Variants in PARP11 observed in about 807,000 individuals in gnomAD.
PARP11 encodes the protein poly(ADP-ribose) polymerase family member 11.
Under a neutral mutation model 42.9 loss-of-function variants are expected in PARP11, and 31 were observed. That is an observed-to-expected ratio of 0.72 (90% CI 0.54 to 0.98). The LOEUF (loss-of-function observed/expected upper bound fraction) is 0.98. PARP11 is among the 50% of genes least tolerant of loss of function. The pLI, the probability that PARP11 is intolerant of heterozygous loss-of-function variation, is 0.00. For synonymous variants in PARP11, 137 were observed against 127.3 expected, an observed-to-expected ratio of 1.08 and a Z score of -0.51; for missense variants, 365 against 413.1, an observed-to-expected ratio of 0.88 and a Z score of 1.01.
chr12:3,838,950 G>C (rs1467664152), intron 1 of PARP11, among the ~76,000 whole-genome samples: 1 of 151,970 alleles, frequency 6.6e-6, no homozygotes, highest in African/African-American at 2.4e-5. Flanking sequence ...GGAAACTTGT[G>C]GGGGCGGCGA....
intron 1 of PARP11, among the ~76,000 whole-genome samples, chr12:3,845,307 T>C (rs11062865): frequency 0.059 from 9,019 of 152,268 alleles, 343 homozygotes; most frequent in East Asian, 0.18. Flanking sequence ...GCTCAGACCC[T>C]GCCTTGTCCT....
At chr12:3,839,644 A>T (rs1565541736) in intron 1 of PARP11, 1 of 1,004,912 alleles carries the variant, frequency 1.0e-6, no homozygotes, top group Non-Finnish European at 1.6e-6. Context: ...TATGTACAGG[A>T]AAGATTTTAT....
chr12:3,873,389 G>A lies in PARP11; in HGVS notation c.-160C>T, dbSNP rs1948532279. On this transcript the variant is annotated 5_prime_UTR_variant, in exon 1 of 8. The change creates a new upstream start codon in the 5' untranslated region. Transcript: ENST00000228820. ...CTCCCCCTCCCTGTCACAAGCCAGC[G>A]TTTACAGACCACCCAACCTCCCGAC... The A allele has an allele frequency of 5.8e-6, 4 of 685,712 alleles. No homozygotes were observed. Among genetic ancestry groups the A allele is most frequent in the East Asian group, 2.8e-5 (1 of 36,198 alleles). 42.5% of individuals were successfully genotyped at this position (685,712 alleles called of 1,614,324 possible).
At position 3,840,341 on chromosome 12, in the gene PARP11, C is replaced by T. The variant is rs551073970; in HGVS notation, c.19-10323G>A. 2 of 1,614,128 alleles carry T rather than the reference C, an allele frequency of 1.2e-6. No individual in the cohort carries two copies. The highest frequency in any genetic ancestry group is 2.7e-5 in the African/African-American group (2 of 75,044). Reference sequence around the variant, plus strand: ...GTGTCAGGGAAGAAGATGAAAAAACCTTCCACTTCTGGACAAAATTTCCAT... The same window carrying T: ...GTGTCAGGGAAGAAGATGAAAAAACTTTCCACTTCTGGACAAAATTTCCAT... On this transcript the variant is annotated intron_variant, in intron 1 of 7. Coordinates refer to ENST00000228820, the MANE Select transcript of PARP11 (RefSeq NM_020367.6). This position sits in a 1 kb window ranked among gnomAD's most constrained non-coding sequence, Gnocchi z 4.4.
chr12:3,857,128 G>C (rs575604678), intron 1 of PARP11, among the ~76,000 whole-genome samples: 4 of 152,020 alleles, frequency 2.6e-5, no homozygotes, highest in Admixed American at 6.6e-5. Context: ...GGCCTGTCGG[G>C]GGGTGGGGGG....
intron 4 of PARP11, among the ~76,000 whole-genome samples, chr12:3,823,541 T>C (rs1337105670): frequency 6.6e-6 from 1 of 152,210 alleles, no homozygotes; most frequent in African/African-American, 2.4e-5. Flanking sequence ...ATGAATGCAT[T>C]CTATTTTACA....
At chr12:3,851,309 G>A (rs772627223) in intron 1 of PARP11, among the ~76,000 whole-genome samples, 8 of 152,196 alleles carry the variant, frequency 5.3e-5, no homozygotes, top group Admixed American at 1.3e-4. Flanking sequence ...GCAGGGCATC[G>A]CCTCACCCAG....
chr12:3,829,213 G>C (rs1253032346), intron 2 of PARP11, among the ~76,000 whole-genome samples, 183 bp from the exon 3 acceptor site: 6 of 152,114 alleles, frequency 3.9e-5, no homozygotes, highest in Admixed American at 3.9e-4. Flanking sequence ...AATGGTTTAA[G>C]GATCTCCAGT....
Position 3,843,016 on chromosome 12 carries a change from C to G in PARP11, c.19-12998G>C, listed in dbSNP as rs1203049863. On this transcript the variant is annotated intron_variant, in intron 1 of 7. Transcript: ENST00000228820. ...TAAACTGGGCTCAGACAATTCTCAG[C>G]CTAAAACACTGTTGTCTTTTAAAAT... is the stretch of plus-strand genomic sequence containing the variant. 3.3e-5 allele frequency among the ~76,000 whole-genome samples: 5 copies of G among 152,310 alleles called. No individual in the cohort carries two copies. In the East Asian group the frequency reaches 9.6e-4, roughly 29 times the overall value.
chr12:3,842,449 G>C, intron 1 of PARP11: 1 of 1,608,328 alleles, frequency 6.2e-7, no homozygotes, highest in Non-Finnish European at 8.5e-7. Flanking sequence ...AAATGTCAGA[G>C]GGCGACCATT....
chr12:3,829,912 C>CA lies in PARP11; in HGVS notation c.124dup (p.Cys42LeufsTer18), dbSNP rs1395285783. ...TACCTGAAACATGTGCCACTTCCCA[C>CA]ATTCTGCCAAGTAAAACCAGCCCCA... On this transcript the variant is annotated frameshift_variant, in exon 2 of 8. Coordinates refer to ENST00000228820, the MANE Select transcript of PARP11 (RefSeq NM_020367.6). LOFTEE classifies it high-confidence loss of function. The CA allele has an allele frequency of 1.2e-6, 2 of 1,614,038 alleles. No homozygotes were observed. Among genetic ancestry groups the CA allele is most frequent in the Non-Finnish European group, 8.5e-7 (1 of 1,179,914 alleles).
chr12:3,824,039 T>C (rs1033928843), intron 4 of PARP11, among the ~76,000 whole-genome samples: 16 of 152,244 alleles, frequency 1.1e-4, no homozygotes, highest in African/African-American at 3.9e-4. Context: ...TATTTTTTCA[T>C]GATTTTAACA....
chr12:3,842,472 G>C, intron 1 of PARP11: 1 of 1,607,326 alleles, frequency 6.2e-7, no homozygotes, highest in Non-Finnish European at 8.5e-7. Context: ...GGGGAGATAG[G>C]AGGAGATCAG....
At chr12:3,839,344 G>A (rs1333571196) in intron 1 of PARP11, 1 of 1,534,360 alleles carries the variant, frequency 6.5e-7, no homozygotes, top group Non-Finnish European at 8.7e-7. Flanking sequence ...GGACCAGGGC[G>A]GCGCGGGGCC....
rs1015094318 is a variant in PARP11 at position 3,851,646 on chromosome 12, C to T, written c.18+21566G>A. Among the ~76,000 whole-genome samples the T allele has an allele frequency of 2.0e-5, 3 of 152,212 alleles. No individual in the cohort carries two copies. The East Asian group carries it at 5.8e-4, about 29-fold the overall frequency. On this transcript the variant is annotated intron_variant, in intron 1 of 7. Transcript: ENST00000228820. ...TGGAGCCCACCGCAACTCAATGAGG[C>T]CTGCCTACCTCTGTAGACTCCACCT...
intron 1 of PARP11, among the ~76,000 whole-genome samples, chr12:3,865,743 T>C (rs1353288106): frequency 1.3e-5 from 2 of 152,160 alleles, no homozygotes; most frequent in Non-Finnish European, 2.9e-5. Flanking sequence ...TATATTCAAA[T>C]TGTATTTCTT....
At position 3,844,597 on chromosome 12, in the gene PARP11, G is replaced by A. The variant is rs1591785032; in HGVS notation, c.19-14579C>T. The stretch of plus-strand genomic sequence containing the variant: ...TTCTGAAAATGTTTAAAAATTGGAA[G>A]GAAATACTATTCATATCTTCATTGT... On this transcript the variant is annotated intron_variant, in intron 1 of 7. Coordinates refer to ENST00000228820, the MANE Select transcript of PARP11 (RefSeq NM_020367.6). 2.6e-5 allele frequency among the ~76,000 whole-genome samples: 4 copies of A among 152,158 alleles called. No individual in the cohort carries two copies. In the South Asian group the frequency reaches 8.3e-4, roughly 32 times the overall value.
intron 1 of PARP11, chr12:3,842,603 C>T (rs1020906585): frequency 2.3e-6 from 2 of 883,542 alleles, no homozygotes; most frequent in Non-Finnish European, 3.6e-6. Context: ...AGTAAAAACC[C>T]CAGTTGGAAC....
intron 6 of PARP11, among the ~76,000 whole-genome samples, chr12:3,814,482 A>G (rs1242597217): frequency 6.6e-6 from 1 of 152,224 alleles, no homozygotes; most frequent in Admixed American, 6.5e-5. Flanking sequence ...GATTGTCTAA[A>G]CCAGCTAACC....
Sources: gnomAD v4.1 joint callset for allele counts (sites outside exome capture counted in the v4.1 genomes callset) on GRCh38, gnomAD v4.1.1 for gene constraint, Gnocchi (gnomAD v3.1) non-coding constraint, MANE v1.5 for transcripts, NCBI Gene and HGNC (gene_info 2026-07-23, HGNC 2026-07-21) for gene names.